Variants in TACR3 observed in about 807,000 individuals in gnomAD.
TACR3 encodes the protein neuromedin-K receptor.
A neutral mutation model predicts 35.0 loss-of-function variants in TACR3; 34 were observed. The observed-to-expected ratio is 0.97, with a 90% CI of 0.74 to 1.30. TACR3 has a LOEUF of 1.30. TACR3 is among the 50% of genes most tolerant of loss of function. The probability of loss-of-function intolerance (pLI) is 0.00; values close to 1 mark genes in which losing one functional copy is unlikely to be tolerated. For missense variants in TACR3, 558 were observed against 591.7 expected (o/e 0.94, Z 0.59); for synonymous variants, 233 against 221.1 (o/e 1.05, Z -0.48).
At chr4:103,625,090 G>A (rs908494801) in intron 3 of TACR3, among the ~76,000 whole-genome samples, 9 of 152,212 alleles carry the variant, frequency 5.9e-5, no homozygotes, top group Admixed American at 2.0e-4. Context: ...ATTTTATGCC[G>A]TGAGAGACAA....
intron 3 of TACR3, among the ~76,000 whole-genome samples, chr4:103,616,020 T>C (rs1241029342): frequency 2.0e-5 from 3 of 152,196 alleles, no homozygotes; most frequent in African/African-American, 7.2e-5. Flanking sequence ...ATGTTTCCCA[T>C]AATATGTCAG....
chr4:103,656,461 T>C (rs1247280895), intron 2 of TACR3, 117 bp from the exon 3 acceptor site: 10 of 936,812 alleles, frequency 1.1e-5, no homozygotes, highest in Non-Finnish European at 1.3e-5. Flanking sequence ...CTACATTATC[T>C]CTATACATTC....
chr4:103,682,859 G>T (rs764859031), intron 1 of TACR3, among the ~76,000 whole-genome samples: 14 of 152,092 alleles, frequency 9.2e-5, no homozygotes, highest in Non-Finnish European at 1.5e-4. Flanking sequence ...TGTGGCTGTA[G>T]AATTCATGTT....
intron 1 of TACR3, among the ~76,000 whole-genome samples, chr4:103,709,218 G>C (rs555462895): frequency 6.6e-6 from 1 of 152,270 alleles, no homozygotes; most frequent in Non-Finnish European, 1.5e-5. Context: ...ATTCACCAAA[G>C]TTGAAATGAA....
At chr4:103,707,531 A>T (rs145866991) in intron 1 of TACR3, among the ~76,000 whole-genome samples, 236 of 152,266 alleles carry the variant, frequency 1.5e-3, no homozygotes, top group South Asian at 0.015. Context: ...CAGTTCCAAG[A>T]TGGCCAAATA....
At chr4:103,604,420 C>T (rs147911276) in intron 3 of TACR3, among the ~76,000 whole-genome samples, 3,410 of 152,076 alleles carry the variant, frequency 0.022, 153 homozygotes, top group African/African-American at 0.079. Flanking sequence ...AACATAAGAC[C>T]GAAAACCATA....
intron 3 of TACR3, among the ~76,000 whole-genome samples, chr4:103,650,572 A>G (rs1291448527): frequency 8.0e-6 from 1 of 124,438 alleles, no homozygotes; most frequent in Non-Finnish European, 1.6e-5. Context: ...ATAAATATAT[A>G]AAATAAATTT....
At chr4:103,710,706 G>T (rs902964494) in intron 1 of TACR3, among the ~76,000 whole-genome samples, 15 of 152,078 alleles carry the variant, frequency 9.9e-5, no homozygotes, top group Non-Finnish European at 1.3e-4. Context: ...TCCAGGAGCT[G>T]GTTTTTTGAA....
chr4:103,625,987 G>C (rs1724883324), intron 3 of TACR3, among the ~76,000 whole-genome samples: 1 of 152,138 alleles, frequency 6.6e-6, no homozygotes, highest in South Asian at 2.1e-4. Context: ...TACAAGCCAA[G>C]GAGAGAGGCC....
At chr4:103,631,091 ACG>A (rs1725050192) in intron 3 of TACR3, among the ~76,000 whole-genome samples, 2 of 152,000 alleles carry the variant, frequency 1.3e-5, no homozygotes, top group Non-Finnish European at 2.9e-5. Context: ...AAAACCAAAC[ACG>A]GCATGTTCTC....
Position 103,591,642 on chromosome 4 carries a change from G to C in TACR3, c.930C>G (p.Ile310Met), listed in dbSNP as rs1723899410. The change falls in exon 4 of 5, where the codon ATC becomes ATG. Residue 310 changes from isoleucine to methionine, a missense_variant. By Grantham distance (10) the Ile-to-Met change is conservative. Coordinates refer to ENST00000304883, the MANE Select transcript of TACR3 (RefSeq NM_001059.3). ...AGTAAATATGATAGGGCAGCCAGCA[G>C]ATAGCAAATGTCATGACAACAATAA... ...MMIIVVMTFA[I>M]CWLPYHIYFI... 5 of 1,613,408 alleles carry C rather than the reference G, an allele frequency of 3.1e-6. No individual in the cohort carries two copies. The Admixed American group carries it at 8.3e-5, about 27-fold the overall frequency.
intron 3 of TACR3, among the ~76,000 whole-genome samples, chr4:103,646,517 T>G (rs1425404314): frequency 1.3e-5 from 2 of 152,010 alleles, no homozygotes; most frequent in Non-Finnish European, 2.9e-5. Flanking sequence ...TTAGTATAAT[T>G]TATTCTCTTT....
At chr4:103,671,121 T>C (rs1439524224) in intron 1 of TACR3, among the ~76,000 whole-genome samples, 1 of 152,014 alleles carries the variant, frequency 6.6e-6, no homozygotes, top group Non-Finnish European at 1.5e-5. Flanking sequence ...TTTATGGATT[T>C]GATGTGAATC....
In TACR3 at chr4:103,586,794, T is replaced by C. The variant is rs970966711; in HGVS notation, c.*2888A>G. ...GTGTGAGAGTGAATTCTGTAACAATTATGTCCGCTTTAATATTTTCCCATA... is the reference window on the plus strand; with the variant it reads ...GTGTGAGAGTGAATTCTGTAACAATCATGTCCGCTTTAATATTTTCCCATA... On this transcript the variant is annotated 3_prime_UTR_variant, in exon 5 of 5. Coordinates refer to ENST00000304883, the MANE Select transcript of TACR3 (RefSeq NM_001059.3). The C allele has an allele frequency of 3.3e-5, 5 of 152,028 alleles. No homozygotes were observed. Among genetic ancestry groups the C allele is most frequent in the Non-Finnish European group, 7.4e-5 (5 of 68,008 alleles). The allele number at this position is 152,028 out of a possible 1,614,324, so 9.4% of individuals were successfully genotyped here. A position where few individuals can be genotyped will look rare whatever the true frequency, so the allele number is the denominator to read the frequency against.
intron 3 of TACR3, among the ~76,000 whole-genome samples, chr4:103,649,572 C>G (rs1036419469): frequency 2.6e-5 from 4 of 151,890 alleles, no homozygotes; most frequent in Admixed American, 6.6e-5. Context: ...TTTCAAATAG[C>G]CTGCCTTCAA....
chr4:103,617,962 A>T (rs1724697631), intron 3 of TACR3, among the ~76,000 whole-genome samples: 1 of 152,178 alleles, frequency 6.6e-6, no homozygotes, highest in South Asian at 2.1e-4. Context: ...ATGCTTGTAG[A>T]TAGAGAAAAT....
chr4:103,690,623 C>A (rs974983711), intron 1 of TACR3, among the ~76,000 whole-genome samples: 1 of 152,078 alleles, frequency 6.6e-6, no homozygotes, highest in Non-Finnish European at 1.5e-5. Context: ...ACACCATTCA[C>A]CTATTAGCCC....
intron 3 of TACR3, chr4:103,624,285 T>C (rs1381804840): frequency 6.6e-6 from 1 of 152,164 alleles, no homozygotes; most frequent in East Asian, 1.9e-4. Flanking sequence ...GCTTAGATGG[T>C]GCAGCAAGAG....
intron 3 of TACR3, among the ~76,000 whole-genome samples, chr4:103,616,633 G>C (rs1365525209): frequency 5.9e-5 from 9 of 152,036 alleles, no homozygotes; most frequent in Admixed American, 2.0e-4. Context: ...AACTAAAATA[G>C]ATTTCCCTAA....
Sources: allele counts gnomAD v4.1 joint callset (sites outside exome capture counted in the v4.1 genomes callset), GRCh38; gene constraint gnomAD v4.1.1; transcripts MANE v1.5; gene names NCBI Gene and HGNC (gene_info 2026-07-23, HGNC 2026-07-21).